Variants in KLHL1 observed in about 807,000 individuals in gnomAD.
The protein encoded by KLHL1 is kelch like family member 1, also known as kelch-like protein 1.
In KLHL1, 47 loss-of-function variants were observed where a neutral mutation model predicts 77.7. That is an observed-to-expected ratio of 0.60 (90% CI 0.48 to 0.77). The LOEUF (loss-of-function observed/expected upper bound fraction) is 0.77. Among genes scored for constraint, KLHL1 ranks in the 30% least tolerant of loss-of-function variants. The pLI is 0.00. For synonymous variants in KLHL1, 360 were observed against 325.2 expected (o/e 1.11, Z -1.15); for missense variants, 925 against 910.8 (o/e 1.02, Z -0.20).
rs149533130 is a variant in KLHL1 at position 69,932,563 on chromosome 13, A to C, written c.1014+7477T>G. On this transcript the variant is annotated intron_variant, in intron 4 of 10. Coordinates refer to ENST00000377844, the MANE Select transcript of KLHL1 (RefSeq NM_020866.3). The stretch of plus-strand genomic sequence containing the variant: ...GTTTACAGGATATTTTAAAATGTTT[A>C]GTATTCCTTCTTGAAACTTTGTTAG... 1.7e-4 allele frequency among the ~76,000 whole-genome samples: 26 copies of C among 152,054 alleles called. No individual in the cohort carries two copies. In the East Asian group the frequency reaches 4.8e-3, roughly 28 times the overall value.
intron 4 of KLHL1, among the ~76,000 whole-genome samples, chr13:69,899,237 G>A (rs1281271642): frequency 6.6e-6 from 1 of 152,134 alleles, no homozygotes; most frequent in South Asian, 2.1e-4. Context: ...TTTCTAATGG[G>A]GTGAGGGCAA....
At chr13:69,986,244 A>G (rs1054418305) in intron 1 of KLHL1, among the ~76,000 whole-genome samples, 1 of 151,956 alleles carries the variant, frequency 6.6e-6, no homozygotes, top group African/African-American at 2.4e-5. Flanking sequence ...CAGGAGGAAT[A>G]AGTTCTGTTG....
intron 1 of KLHL1, among the ~76,000 whole-genome samples, chr13:70,102,442 C>G (rs972536558): frequency 3.3e-5 from 5 of 152,142 alleles, no homozygotes; most frequent in African/African-American, 1.2e-4. Flanking sequence ...TAAGGCTTAT[C>G]TAGAATTTTT....
intron 1 of KLHL1, among the ~76,000 whole-genome samples, chr13:70,048,987 C>G (rs1465300601): frequency 1.3e-5 from 2 of 152,178 alleles, no homozygotes. Context: ...TACATCATTG[C>G]TGTAAGTATA....
chr13:69,945,079 G>A (rs954742619), intron 3 of KLHL1, among the ~76,000 whole-genome samples: 5 of 138,688 alleles, frequency 3.6e-5, no homozygotes, highest in South Asian at 5.0e-4. Context: ...TCCACCTCCC[G>A]GGTTCAAGTG....
Position 69,796,823 on chromosome 13 carries a change from C to T in KLHL1, c.1554G>A (p.Lys518=). The T allele has an allele frequency of 6.2e-7, 1 of 1,614,140 alleles. No homozygotes were observed. ...LFVIGGRDGL[K]TLNTVECYNP... is the part of the protein sequence containing the mutation. ...TGTAACATTCAACAGTGTTCAATGT[C>T]TTTAAGCCATCTCGACCTCCAATTA... Residue 518 remains lysine, a synonymous_variant, in exon 7 of 11, where the codon AAG becomes AAA. Coordinates refer to ENST00000377844, the MANE Select transcript of KLHL1 (RefSeq NM_020866.3).
intron 3 of KLHL1, among the ~76,000 whole-genome samples, chr13:69,950,774 C>A (rs865946145): frequency 6.6e-6 from 1 of 151,386 alleles, no homozygotes. Flanking sequence ...TACCTTGAAC[C>A]CAGTTGAGTT....
rs569713571 is a variant in KLHL1, at chr13:69,981,120, G to A, written c.498-5318C>T. On this transcript the variant is annotated intron_variant, in intron 1 of 10. Transcript: ENST00000377844. ...TTTTGAACATCAAATAGTTTCCAGA[G>A]CTCATGAGAAACAAACAAACAAAAC... 6.3e-4 allele frequency among the ~76,000 whole-genome samples: 96 copies of A among 152,142 alleles called. No individual in the cohort carries two copies. The South Asian group carries it at 0.02, about 31-fold the overall frequency.
At chr13:69,975,831 C>G (rs377634266) in intron 1 of KLHL1, 29 bp from the exon 2 acceptor site, 1 of 1,522,174 alleles carries the variant, frequency 6.6e-7, no homozygotes, top group Admixed American at 2.4e-5. Context: ...CACACACACA[C>G]ACAAAATAAT....
chr13:69,928,972 A>T (rs1212763164), intron 4 of KLHL1, among the ~76,000 whole-genome samples: 1 of 152,162 alleles, frequency 6.6e-6, no homozygotes, highest in Non-Finnish European at 1.5e-5. Flanking sequence ...ATATTTATTC[A>T]TTCTTCACCA....
intron 5 of KLHL1, among the ~76,000 whole-genome samples, chr13:69,870,466 C>T (rs1036365784): frequency 1.3e-5 from 2 of 151,910 alleles, no homozygotes; most frequent in African/African-American, 4.8e-5. Flanking sequence ...ACATCCAAAC[C>T]ATAGCATTTC....
At chr13:70,084,052 T>C (rs562764408) in intron 1 of KLHL1, among the ~76,000 whole-genome samples, 4 of 152,240 alleles carry the variant, frequency 2.6e-5, no homozygotes, top group Non-Finnish European at 4.4e-5. Flanking sequence ...TTATGAAAAG[T>C]AGTTAATAAA....
At chr13:70,022,998 C>A (rs1885842312) in intron 1 of KLHL1, among the ~76,000 whole-genome samples, 1 of 152,024 alleles carries the variant, frequency 6.6e-6, no homozygotes, top group South Asian at 2.1e-4. Flanking sequence ...ATATGCATAA[C>A]ACATGCATAT....
intron 1 of KLHL1, among the ~76,000 whole-genome samples, chr13:70,061,757 C>A (rs1346042622): frequency 5.3e-5 from 8 of 152,096 alleles, no homozygotes; most frequent in East Asian, 3.8e-4. Flanking sequence ...ATCACAGTTT[C>A]TCTTTTTTTG....
intron 7 of KLHL1, among the ~76,000 whole-genome samples, chr13:69,752,594 T>A (rs2137950663): frequency 6.6e-6 from 1 of 151,910 alleles, no homozygotes; most frequent in East Asian, 1.9e-4. Context: ...TAGCTAAGAG[T>A]TGTTTTCTTT....
intron 1 of KLHL1, among the ~76,000 whole-genome samples, chr13:70,000,927 G>A (rs1250233064): frequency 2.1e-5 from 3 of 144,856 alleles, no homozygotes; most frequent in African/African-American, 2.5e-5. Flanking sequence ...ATAACTTACA[G>A]AAAAAAAAAC....
rs1168668769 is a variant in KLHL1, at chr13:69,728,123, C to T, written c.1803-8542G>A. 2.6e-5 allele frequency among the ~76,000 whole-genome samples: 4 copies of T among 151,128 alleles called. No homozygotes were observed. The East Asian group carries it at 7.7e-4, about 29-fold the overall frequency. ...GCCCCAACTGAGATTCAGTAAACAGCAATTTCTTTTTTTTCTTTCTTTTTT... is the reference window on the plus strand; with the variant it reads ...GCCCCAACTGAGATTCAGTAAACAGTAATTTCTTTTTTTTCTTTCTTTTTT... On this transcript the variant is annotated intron_variant, in intron 8 of 10. Coordinates refer to ENST00000377844, the MANE Select transcript of KLHL1 (RefSeq NM_020866.3).
At chr13:69,785,817 A>C (rs562487584) in intron 7 of KLHL1, among the ~76,000 whole-genome samples, 5 of 152,218 alleles carry the variant, frequency 3.3e-5, no homozygotes, top group African/African-American at 9.6e-5. Context: ...AAAAATGATA[A>C]AGGGGATATC....
rs191382798 is a variant in KLHL1, at chr13:69,805,861, A to T, written c.1415-8899T>A. Reference sequence around the variant, plus strand: ...GATATTTGTACAAGGAATTTATAAAATTATACTGGCATTTCTTTGGAAACT... The same window carrying T: ...GATATTTGTACAAGGAATTTATAAATTTATACTGGCATTTCTTTGGAAACT... On this transcript the variant is annotated intron_variant, in intron 6 of 10. Transcript: ENST00000377844. Among the ~76,000 whole-genome samples, 638 of 151,778 alleles carry T rather than the reference A, an allele frequency of 4.2e-3. 6 individuals carry two copies. Among genetic ancestry groups the T allele is most frequent in the Non-Finnish European group, 5.9e-3 (399 of 67,822 alleles).
Sources: allele counts gnomAD v4.1 joint callset (sites outside exome capture counted in the v4.1 genomes callset), GRCh38; gene constraint gnomAD v4.1.1; transcripts MANE v1.5; gene names NCBI Gene and HGNC (gene_info 2026-07-23, HGNC 2026-07-21).